OSBP2: variants seen among roughly 807,000 people sequenced by gnomAD.
OSBP2 encodes oxysterol-binding protein 2.
Under a neutral mutation model 96.0 loss-of-function variants are expected in OSBP2, and 66 were observed. That is an observed-to-expected ratio of 0.69 (90% CI 0.56 to 0.84). The LOEUF (loss-of-function observed/expected upper bound fraction) is 0.84. Ranked by LOEUF, OSBP2 falls within the 40% of genes least tolerant of loss-of-function variation. The probability of loss-of-function intolerance (pLI) is 0.00; values close to 1 mark genes in which losing one functional copy is unlikely to be tolerated. For missense variants in OSBP2, 1,038 were observed against 1,222.7 expected (o/e 0.85, Z 2.25); for synonymous variants, 525 against 520.9 (o/e 1.01, Z -0.11).
chr22:30,847,122 C>T (rs566595389), intron 2 of OSBP2, among the ~76,000 whole-genome samples: 3 of 151,804 alleles, frequency 2.0e-5, no homozygotes, highest in Admixed American at 1.3e-4. Flanking sequence ...AGATTACAGG[C>T]ACCTGCCACC....
chr22:30,730,814 T>A (rs796970335), intron 1 of OSBP2, among the ~76,000 whole-genome samples: 12,703 of 83,814 alleles, frequency 0.15, 2,211 homozygotes, highest in East Asian at 0.34. Flanking sequence ...ATATAATTTT[T>A]TTTTTTTTTC....
rs557364786 is a variant in OSBP2, at chr22:30,822,670, T to A, written c.854-47759T>A. ...CTGCTGGGACACGGCCTCCGTGCGC[T>A]CCTTCTGCAGCTCCGGCTGCCTGAA... is the stretch of plus-strand genomic sequence containing the variant. On this transcript the variant is annotated intron_variant, in intron 2 of 13. Coordinates refer to ENST00000332585, the MANE Select transcript of OSBP2 (RefSeq NM_030758.4). The A allele has an allele frequency of 3.7e-3, 5,624 of 1,533,970 alleles. 16 individuals carry two copies. Among genetic ancestry groups the A allele is most frequent in the Non-Finnish European group, 4.3e-3 (4,970 of 1,145,320 alleles).
intron 2 of OSBP2, among the ~76,000 whole-genome samples, chr22:30,851,405 T>G (rs187622255): frequency 1.1e-4 from 16 of 152,302 alleles, no homozygotes; most frequent in African/African-American, 3.6e-4. Context: ...ATTGCTAGTA[T>G]TTCAGAAAAA....
In OSBP2 at chr22:30,888,311, C is replaced by T. The variant is rs1323185669; in HGVS notation, c.1389C>T (p.Ile463=). The change falls in exon 5 of 14, where the codon ATC becomes ATT. Residue 463 remains isoleucine, a synonymous_variant. Coordinates refer to ENST00000332585, the MANE Select transcript of OSBP2 (RefSeq NM_030758.4). ...CCATGGAAGACTCCACATCCTTCAT[C>T]ACCGTGATCACCGAGGCCAAGGAAG... ...FDAMEDSTSF[I]TVITEAKEDS... 2 of 1,612,792 alleles carry T rather than the reference C, an allele frequency of 1.2e-6. No homozygotes were observed. Among genetic ancestry groups the T allele is most frequent in the Non-Finnish European group, 1.7e-6 (2 of 1,178,852 alleles).
intron 8 of OSBP2, among the ~76,000 whole-genome samples, chr22:30,891,938 G>C (rs566209877): frequency 6.6e-6 from 1 of 152,304 alleles, no homozygotes; most frequent in East Asian, 1.9e-4. Flanking sequence ...TTTTAGAAAG[G>C]GGGTGGTCAG....
intron 2 of OSBP2, among the ~76,000 whole-genome samples, chr22:30,814,777 G>A (rs1371427789): frequency 1.3e-5 from 2 of 152,088 alleles, no homozygotes; most frequent in African/African-American, 2.4e-5. Context: ...AGATCCTGGG[G>A]GTTTGGACTT....
intron 2 of OSBP2, among the ~76,000 whole-genome samples, chr22:30,756,039 C>A (rs956871452): frequency 5.3e-5 from 8 of 152,200 alleles, no homozygotes; most frequent in Non-Finnish European, 1.2e-4. Flanking sequence ...CCTCTGCCCC[C>A]ACATGGTCAC....
intron 1 of OSBP2, among the ~76,000 whole-genome samples, chr22:30,699,134 A>G (rs2089113870): frequency 6.6e-6 from 1 of 151,782 alleles, no homozygotes; most frequent in South Asian, 2.1e-4. Flanking sequence ...TAGTAGACAC[A>G]AGGTTTCGTT....
At chr22:30,858,808 G>A (rs1224015839) in intron 2 of OSBP2, among the ~76,000 whole-genome samples, 1 of 151,696 alleles carries the variant, frequency 6.6e-6, no homozygotes, top group African/African-American at 2.4e-5. Context: ...GAACCCGGGA[G>A]ATGGAGGTTG....
chr22:30,714,944 A>C (rs1451024314), intron 1 of OSBP2, among the ~76,000 whole-genome samples: 1 of 152,180 alleles, frequency 6.6e-6, no homozygotes, highest in Non-Finnish European at 1.5e-5. Context: ...ATATATACGC[A>C]AAAGTGGTAT....
rs1569100670 is a variant in OSBP2, at chr22:30,730,802, AT to A, written c.645-10358del. On this transcript the variant is annotated intron_variant, in intron 1 of 13. Coordinates refer to ENST00000332585, the MANE Select transcript of OSBP2 (RefSeq NM_030758.4). Reference sequence around the variant, plus strand: ...TATATATATATATATATATATATATATATATAATTTTTTTTTTTTTTCCCAT... The same window carrying A: ...TATATATATATATATATATATATATAATATAATTTTTTTTTTTTTTCCCAT... Among the ~76,000 whole-genome samples, 106 of 49,348 alleles carry A rather than the reference AT, an allele frequency of 2.1e-3. 9 individuals are homozygous for A. Among genetic ancestry groups the A allele is most frequent in the African/African-American group, 0.01 (95 of 9,218 alleles). 32.4% of individuals were successfully genotyped at this position (49,348 alleles called of 152,430 possible).
intron 2 of OSBP2, among the ~76,000 whole-genome samples, chr22:30,743,403 A>C (rs2089963963): frequency 6.6e-6 from 1 of 152,090 alleles, no homozygotes; most frequent in South Asian, 2.1e-4. Context: ...AGGTGTCAGC[A>C]CTCATGTAGC....
intron 3 of OSBP2, among the ~76,000 whole-genome samples, chr22:30,877,662 C>T (rs953440851): frequency 1.3e-5 from 2 of 152,192 alleles, no homozygotes; most frequent in Non-Finnish European, 2.9e-5. Context: ...TCCTGAGCCC[C>T]CTAGGTGGGC....
chr22:30,764,210 C>G, intron 2 of OSBP2: 1 of 983,770 alleles, frequency 1.0e-6, no homozygotes, highest in Non-Finnish European at 1.2e-6. Context: ...GATATCACAG[C>G]CCAGCACTTG....
At chr22:30,832,361 G>T (rs1460095054) in intron 2 of OSBP2, among the ~76,000 whole-genome samples, 2 of 151,230 alleles carry the variant, frequency 1.3e-5, no homozygotes, top group East Asian at 3.9e-4. Context: ...CATGATCATG[G>T]CTCACTGCAG....
chr22:30,772,692 T>C (rs923979158), intron 2 of OSBP2, among the ~76,000 whole-genome samples: 2 of 152,220 alleles, frequency 1.3e-5, no homozygotes, highest in Non-Finnish European at 2.9e-5. Flanking sequence ...TAATGTCCTC[T>C]GCCTCTCTTG....
At chr22:30,855,075 G>T (rs1057387548) in intron 2 of OSBP2, among the ~76,000 whole-genome samples, 1 of 152,176 alleles carries the variant, frequency 6.6e-6, no homozygotes, top group Admixed American at 6.5e-5. Context: ...CCCCTCCCAC[G>T]ACATGTGGGG....
At chr22:30,823,291 C>T (rs2038325208) in intron 2 of OSBP2, among the ~76,000 whole-genome samples, 1 of 152,262 alleles carries the variant, frequency 6.6e-6, no homozygotes. Flanking sequence ...AAAACCTTAG[C>T]TGTCTTAAAT....
intron 12 of OSBP2, among the ~76,000 whole-genome samples, chr22:30,903,389 C>CATT (rs2040257847): frequency 2.6e-5 from 4 of 152,212 alleles, no homozygotes; most frequent in Admixed American, 1.3e-4. Flanking sequence ...GGGTCCTTTC[C>CATT]ATTCCTATTG....
Sources: gnomAD v4.1 joint callset for allele counts (sites outside exome capture counted in the v4.1 genomes callset) on GRCh38, gnomAD v4.1.1 for gene constraint, MANE v1.5 for transcripts, NCBI Gene and HGNC (gene_info 2026-07-23, HGNC 2026-07-21) for gene names.